The following ZNF804B variants were observed in gnomAD, a reference collection of about 807,000 sequenced individuals.
ZNF804B encodes the protein zinc finger protein 804B.
ZNF804B carries 80 observed loss-of-function variants against 101.4 expected under a neutral mutation model. The ratio of observed to expected loss-of-function variants is 0.79; its 90% confidence interval spans 0.66 to 0.95. The LOEUF (loss-of-function observed/expected upper bound fraction) is 0.95. Among genes scored for constraint, ZNF804B ranks in the 40% least tolerant of loss-of-function variants. ZNF804B has a pLI of 0.00. For synonymous variants in ZNF804B, 622 were observed against 558.8 expected (o/e 1.11, Z -1.59); for missense variants, 1,673 against 1,561.9 (o/e 1.07, Z -1.20).
At chr7:88,810,931 C>A (rs1192619277) in intron 1 of ZNF804B, among the ~76,000 whole-genome samples, 1 of 151,742 alleles carries the variant, frequency 6.6e-6, no homozygotes, top group Non-Finnish European at 1.5e-5. Flanking sequence ...AAGAGTTTGA[C>A]AAATATTTTC....
intron 1 of ZNF804B, among the ~76,000 whole-genome samples, chr7:88,945,058 T>C (rs148517493): frequency 2.6e-5 from 4 of 152,180 alleles, no homozygotes; most frequent in Non-Finnish European, 5.9e-5. Flanking sequence ...ACTCTGATGA[T>C]AGTTTCTTTT....
chr7:89,276,267 G>T (rs1424122211), intron 2 of ZNF804B, among the ~76,000 whole-genome samples: 1 of 151,758 alleles, frequency 6.6e-6, no homozygotes, highest in Non-Finnish European at 1.5e-5. Context: ...AAACACCATG[G>T]CACGTGGTTA....
intron 1 of ZNF804B, among the ~76,000 whole-genome samples, chr7:89,046,018 G>C (rs1194886725): frequency 2.6e-5 from 4 of 152,046 alleles, no homozygotes; most frequent in Non-Finnish European, 4.4e-5. Context: ...TTCATGGGAT[G>C]GACCCCATGG....
At chr7:89,151,665 G>A (rs771659281) in intron 1 of ZNF804B, among the ~76,000 whole-genome samples, 22 of 150,868 alleles carry the variant, frequency 1.5e-4, no homozygotes, top group Admixed American at 4.6e-4. Flanking sequence ...ATGTGGCTGA[G>A]AATAAGCATC....
intron 1 of ZNF804B, among the ~76,000 whole-genome samples, chr7:88,972,867 A>G (rs1027289436): frequency 1.3e-5 from 2 of 151,482 alleles, no homozygotes; most frequent in South Asian, 2.1e-4. Context: ...ACAGGAGTAC[A>G]TATAGCGTTA....
intron 2 of ZNF804B, among the ~76,000 whole-genome samples, chr7:89,221,232 C>G (rs1198867934): frequency 3.3e-5 from 5 of 151,832 alleles, no homozygotes; most frequent in Non-Finnish European, 5.9e-5. Flanking sequence ...TTCTTTTACC[C>G]CTGCTACATA....
intron 2 of ZNF804B, among the ~76,000 whole-genome samples, chr7:89,246,453 T>C (rs1412886385): frequency 6.6e-6 from 1 of 152,144 alleles, no homozygotes; most frequent in East Asian, 1.9e-4. Flanking sequence ...ACATAGACTG[T>C]GGTGCAGCAG....
At chr7:88,877,026 AATAT>A (rs1231449305) in intron 1 of ZNF804B, among the ~76,000 whole-genome samples, 1,248 of 41,078 alleles carry the variant, frequency 0.03, 60 homozygotes, top group South Asian at 0.042. Context: ...ATATATATAT[AATAT>A]ATATATATAT....
At chr7:89,113,574 A>G (rs960352300) in intron 1 of ZNF804B, among the ~76,000 whole-genome samples, 7 of 152,306 alleles carry the variant, frequency 4.6e-5, no homozygotes, top group Non-Finnish European at 7.3e-5. Context: ...CATCATTACC[A>G]TCATTGCCAT....
chr7:88,867,605 A>G (rs1791750111), intron 1 of ZNF804B, among the ~76,000 whole-genome samples: 1 of 152,250 alleles, frequency 6.6e-6, no homozygotes, highest in Non-Finnish European at 1.5e-5. Context: ...AGACACATCT[A>G]GAAATCATGT....
rs545542004 is a variant in ZNF804B at position 89,136,892 on chromosome 7, A to G, written c.109-81263A>G. On this transcript the variant is annotated intron_variant, in intron 1 of 3. Coordinates refer to ENST00000333190, the MANE Select transcript of ZNF804B (RefSeq NM_181646.5). The stretch of plus-strand genomic sequence containing the variant: ...GGGAGGTCTTTCCTGTGCTGTTCTC[A>G]TGATAGTGAGTAAGTCTCATGAGAC... 5.3e-5 allele frequency among the ~76,000 whole-genome samples: 8 copies of G among 151,982 alleles called. No individual in the cohort carries two copies. The East Asian group carries it at 1.4e-3, about 26-fold the overall frequency.
chr7:88,984,967 T>TA (rs1200835176), intron 1 of ZNF804B, among the ~76,000 whole-genome samples: 1 of 152,002 alleles, frequency 6.6e-6, no homozygotes, highest in Admixed American at 6.6e-5. Context: ...GTGGGTGATT[T>TA]AAAAAGAAAC....
At position 89,057,705 on chromosome 7, in the gene ZNF804B, TG is replaced by T. The variant is rs542274818; in HGVS notation, c.109-160449del. Among the ~76,000 whole-genome samples the T allele has an allele frequency of 2.4e-3, 361 of 151,992 alleles. 2 individuals carry two copies. The highest frequency in any genetic ancestry group is 8.3e-3 in the African/African-American group (345 of 41,474). On this transcript the variant is annotated intron_variant, in intron 1 of 3. Coordinates refer to ENST00000333190, the MANE Select transcript of ZNF804B (RefSeq NM_181646.5). ...AAGGAGCCCAGTGGCAAATGGCCAA[TG>T]AAGGAAGCAGGCCACTGTGGAGTGG...
chr7:89,106,637 A>G (rs920464614), intron 1 of ZNF804B, among the ~76,000 whole-genome samples: 1 of 152,168 alleles, frequency 6.6e-6, no homozygotes, highest in African/African-American at 2.4e-5. Context: ...CCTTACTTCC[A>G]CCAAAAGGAA....
intron 1 of ZNF804B, among the ~76,000 whole-genome samples, chr7:88,771,193 A>G (rs1790055980): frequency 6.6e-6 from 1 of 151,960 alleles, no homozygotes; most frequent in African/African-American, 2.4e-5. Context: ...TTGGTTTTTT[A>G]CTCTTCTGCT....
intron 1 of ZNF804B, among the ~76,000 whole-genome samples, chr7:88,985,943 A>G (rs537640044): frequency 6.6e-6 from 1 of 152,114 alleles, no homozygotes; most frequent in African/African-American, 2.4e-5. Context: ...GAACCAATAA[A>G]CTCTCATAGT....
chr7:88,946,560 T>C (rs948343745), intron 1 of ZNF804B, among the ~76,000 whole-genome samples: 5 of 151,544 alleles, frequency 3.3e-5, no homozygotes, highest in Admixed American at 6.6e-5. Context: ...TTTTCTTTTT[T>C]TTTTTTTTTT....
At chr7:88,921,276 A>G (rs1792715076) in intron 1 of ZNF804B, among the ~76,000 whole-genome samples, 4 of 152,006 alleles carry the variant, frequency 2.6e-5, no homozygotes, top group Admixed American at 2.6e-4. Flanking sequence ...ATGGTGAAGT[A>G]TCAAGTTTTA....
At chr7:89,251,649 C>G (rs1251701404) in intron 2 of ZNF804B, among the ~76,000 whole-genome samples, 3 of 151,940 alleles carry the variant, frequency 2.0e-5, no homozygotes, top group Non-Finnish European at 4.4e-5. Flanking sequence ...TCAAACCATA[C>G]CATAAGGCTA....
Sources: gnomAD v4.1 joint callset for allele counts (sites outside exome capture counted in the v4.1 genomes callset) on GRCh38, gnomAD v4.1.1 for gene constraint, MANE v1.5 for transcripts, NCBI Gene and HGNC (gene_info 2026-07-23, HGNC 2026-07-21) for gene names.